FRMD5: variants seen among roughly 807,000 people sequenced by gnomAD.
The protein encoded by FRMD5 is FERM domain containing 5.
In FRMD5, 20 loss-of-function variants were observed where a neutral mutation model predicts 69.0. The ratio of observed to expected loss-of-function variants is 0.29; its 90% CI spans 0.20 to 0.42. FRMD5 has a LOEUF of 0.42. Among genes scored for constraint, FRMD5 ranks in the 10% least tolerant of loss-of-function variants. The probability of loss-of-function intolerance (pLI) is 1.00; values close to 1 mark genes in which losing one functional copy is unlikely to be tolerated. For missense variants in FRMD5, 595 were observed against 708.6 expected (o/e 0.84, Z 1.82); for synonymous variants, 271 against 260.1 (o/e 1.04, Z -0.40).
intron 4 of FRMD5, among the ~76,000 whole-genome samples, chr15:43,914,883 G>A (rs921850943): frequency 3.3e-5 from 5 of 151,810 alleles, no homozygotes; most frequent in African/African-American, 7.3e-5. Flanking sequence ...GTGCCACCAC[G>A]CCTGGCCAAT....
chr15:44,185,141 G>T (rs1376643947), intron 1 of FRMD5, among the ~76,000 whole-genome samples: 1 of 152,218 alleles, frequency 6.6e-6, no homozygotes, highest in Non-Finnish European at 1.5e-5. Context: ...AGTTGGTTCA[G>T]TGTTTTATGT....
At chr15:43,910,019 T>A in intron 4 of FRMD5, 40 bp from the exon 5 acceptor site, 1 of 1,183,676 alleles carries the variant, frequency 8.4e-7, no homozygotes, top group Non-Finnish European at 1.3e-6. Flanking sequence ...AGGATTTCTT[T>A]GATTGCTTTA....
intron 1 of FRMD5, among the ~76,000 whole-genome samples, chr15:44,015,442 C>T (rs1053822556): frequency 6.6e-6 from 1 of 152,018 alleles, no homozygotes; most frequent in African/African-American, 2.4e-5. Flanking sequence ...GTGCCTGGCC[C>T]TGAAGGTATT....
At chr15:44,073,494 A>G (rs749847783) in intron 1 of FRMD5, among the ~76,000 whole-genome samples, 2 of 150,360 alleles carry the variant, frequency 1.3e-5, no homozygotes, top group Non-Finnish European at 2.9e-5. Flanking sequence ...ATCAAATTAT[A>G]CTGACTACCT....
At chr15:44,126,187 C>G (rs1031542594) in intron 1 of FRMD5, among the ~76,000 whole-genome samples, 1 of 152,188 alleles carries the variant, frequency 6.6e-6, no homozygotes, top group African/African-American at 2.4e-5. Flanking sequence ...TATGTTACCA[C>G]ATTAAAATGA....
intron 1 of FRMD5, among the ~76,000 whole-genome samples, chr15:44,131,852 G>A (rs2077104222): frequency 1.6e-5 from 1 of 60,840 alleles, no homozygotes; most frequent in Non-Finnish European, 4.7e-5. Flanking sequence ...ACCAGGGACT[G>A]GTTTCATGGA....
intron 1 of FRMD5, among the ~76,000 whole-genome samples, chr15:44,154,677 C>G (rs1471981839): frequency 1.3e-5 from 2 of 152,182 alleles, no homozygotes; most frequent in Non-Finnish European, 1.5e-5. Flanking sequence ...TCTGCACAGT[C>G]ACAAAGTACC....
rs753327405 is a variant in FRMD5, at chr15:43,919,293, C to T, written c.329+166G>A. The T allele has an allele frequency of 5.1e-5, 40 of 779,266 alleles. 1 individual carries two copies. The highest frequency in any genetic ancestry group is 4.5e-4 in the South Asian group (33 of 73,676). The allele number at this position is 779,266 out of a possible 1,614,324, so 48.3% of individuals were successfully genotyped here. A position where few individuals can be genotyped will look rare whatever the true frequency, so the allele number is the denominator to read the frequency against. The stretch of plus-strand genomic sequence containing the variant: ...TGTTGCGACTGCACTGAGGGGTACG[C>T]GAAGAAAGCATGTGGAAATGAAATA... On this transcript the variant is annotated intron_variant, in intron 4 of 13. Transcript: ENST00000417257.
At chr15:44,151,103 CA>C (rs34255472) in intron 1 of FRMD5, among the ~76,000 whole-genome samples, 107,979 of 151,634 alleles carry the variant, frequency 0.71, 44,350 homozygotes, top group Non-Finnish European at 0.91. Context: ...AAAAACAAAA[CA>C]AAACAAAAAA....
chr15:43,953,233 G>A (rs2090064428), intron 1 of FRMD5, among the ~76,000 whole-genome samples: 2 of 152,224 alleles, frequency 1.3e-5, no homozygotes, highest in South Asian at 4.1e-4. Flanking sequence ...AGAGTTCTCA[G>A]GGCTTTCCCA....
chr15:43,975,687 C>T (rs2090451534), intron 1 of FRMD5, among the ~76,000 whole-genome samples: 1 of 152,204 alleles, frequency 6.6e-6, no homozygotes, highest in African/African-American at 2.4e-5. Flanking sequence ...GTTAACATGT[C>T]CATTCTCCCC....
At chr15:43,999,938 TATATATATGCCATGC>T (rs1474878606) in intron 1 of FRMD5, among the ~76,000 whole-genome samples, 106 of 136,268 alleles carry the variant, frequency 7.8e-4, no homozygotes, top group East Asian at 5.5e-3. Flanking sequence ...TATATATATA[TATATATATGCCATGC>T]ATATATATAT....
At chr15:43,934,762 G>A (rs1422246857) in intron 1 of FRMD5, among the ~76,000 whole-genome samples, 1 of 152,182 alleles carries the variant, frequency 6.6e-6, no homozygotes, top group Non-Finnish European at 1.5e-5. Flanking sequence ...TCTCAGAGTG[G>A]ATCCTCAGGC....
chr15:44,181,551 T>C (rs528607690), intron 1 of FRMD5, among the ~76,000 whole-genome samples: 2 of 152,288 alleles, frequency 1.3e-5, no homozygotes, highest in South Asian at 4.1e-4. Context: ...TACAATTAAA[T>C]GGTTTTTAGT....
intron 1 of FRMD5, among the ~76,000 whole-genome samples, chr15:44,100,842 C>T (rs2076627776): frequency 1.3e-5 from 2 of 152,110 alleles, no homozygotes; most frequent in Non-Finnish European, 2.9e-5. Context: ...GAACTAGTTC[C>T]TGCAGCTAGA....
intron 1 of FRMD5, among the ~76,000 whole-genome samples, chr15:44,164,455 T>C (rs544960323): frequency 2.0e-5 from 3 of 152,238 alleles, no homozygotes; most frequent in South Asian, 2.1e-4. Flanking sequence ...AGAAGATAGA[T>C]TGTGACATAC....
At chr15:44,099,538 T>C (rs1271484165) in intron 1 of FRMD5, among the ~76,000 whole-genome samples, 1 of 152,218 alleles carries the variant, frequency 6.6e-6, no homozygotes, top group Non-Finnish European at 1.5e-5. Context: ...TCATGGGTTC[T>C]GGAGAATGGA....
At chr15:43,879,840 C>G (rs1036235995) in intron 13 of FRMD5, 5 of 393,082 alleles carry the variant, frequency 1.3e-5, no homozygotes, top group African/African-American at 1.0e-4. Flanking sequence ...TCGCGTGTTG[C>G]AGGGAGAAGG....
chr15:43,919,181 C>T (rs750597965), intron 4 of FRMD5: 68 of 540,796 alleles, frequency 1.3e-4, no homozygotes, highest in Admixed American at 9.6e-4. Flanking sequence ...AAAGAAAAGA[C>T]GCTTCTGATT....
Sources: allele counts gnomAD v4.1 joint callset (sites outside exome capture counted in the v4.1 genomes callset), GRCh38; gene constraint gnomAD v4.1.1; transcripts MANE v1.5; gene names NCBI Gene and HGNC (gene_info 2026-07-23, HGNC 2026-07-21).